The following PRR16 variants were observed in gnomAD, a reference collection of about 807,000 sequenced individuals.
The protein encoded by PRR16 is proline rich 16.
In PRR16, 6 loss-of-function variants were observed where a neutral mutation model predicts 18.2. The ratio of observed to expected loss-of-function variants is 0.33; its 90% CI spans 0.18 to 0.65. PRR16 has a LOEUF of 0.65. Among genes scored for constraint, PRR16 ranks in the 30% least tolerant of loss-of-function variants. The pLI is 0.74. For synonymous variants in PRR16, 151 were observed against 147.8 expected (o/e 1.02, Z -0.16); for missense variants, 412 against 376.6 (o/e 1.09, Z -0.78).
chr5:120,487,084 G>T (rs1465122602), intron 1 of PRR16, among the ~76,000 whole-genome samples: 1 of 152,184 alleles, frequency 6.6e-6, no homozygotes, highest in Non-Finnish European at 1.5e-5. Context: ...GTAGCGTGAT[G>T]CCTCTAGCTT....
intron 1 of PRR16, among the ~76,000 whole-genome samples, chr5:120,619,959 G>A (rs1043797742): frequency 6.6e-6 from 1 of 152,068 alleles, no homozygotes; most frequent in Admixed American, 6.6e-5. Flanking sequence ...TTGGAGGTAG[G>A]TCAGAGAGAA....
At chr5:120,489,760 C>T (rs1423923227) in intron 1 of PRR16, among the ~76,000 whole-genome samples, 2 of 152,158 alleles carry the variant, frequency 1.3e-5, no homozygotes, top group African/African-American at 4.8e-5. Context: ...ATGGTCTTTA[C>T]AATTTGGCAT....
intron 1 of PRR16, among the ~76,000 whole-genome samples, chr5:120,682,105 A>G (rs1756990951): frequency 6.6e-6 from 1 of 152,178 alleles, no homozygotes; most frequent in Non-Finnish European, 1.5e-5. Context: ...CTACCTAACT[A>G]TCCAACCTCA....
At chr5:120,465,027 C>G (rs531230404) in intron 1 of PRR16, among the ~76,000 whole-genome samples, 2 of 152,228 alleles carry the variant, frequency 1.3e-5, no homozygotes, top group Non-Finnish European at 2.9e-5. Context: ...TATTGCTTCC[C>G]CAGAGTCCTT....
At chr5:120,574,556 C>G (rs898319586) in intron 1 of PRR16, among the ~76,000 whole-genome samples, 4 of 136,296 alleles carry the variant, frequency 2.9e-5, no homozygotes, top group African/African-American at 1.5e-4. Flanking sequence ...GAATCAAGAT[C>G]ATGCCATTGC....
intron 1 of PRR16, among the ~76,000 whole-genome samples, chr5:120,616,835 A>G (rs981688916): frequency 4.6e-5 from 7 of 152,168 alleles, no homozygotes; most frequent in Admixed American, 3.3e-4. Flanking sequence ...TGAAGACTTG[A>G]TTGATTGACT....
chr5:120,606,021 C>T (rs186242928), intron 1 of PRR16, among the ~76,000 whole-genome samples: 145 of 152,176 alleles, frequency 9.5e-4, no homozygotes, highest in Non-Finnish European at 1.8e-3. Context: ...AGGGGGGATG[C>T]AGGTGAGTGA....
intron 1 of PRR16, among the ~76,000 whole-genome samples, chr5:120,628,695 C>CATCTATCTATCT (rs10590670): frequency 2.1e-4 from 30 of 144,708 alleles, no homozygotes; most frequent in African/African-American, 3.1e-4. Flanking sequence ...ATCATTCTAC[C>CATCTATCTATCT]ATCTATCTAT....
chr5:120,775,040 A>G, the PRR16 span, among the ~76,000 whole-genome samples: 2 of 152,170 alleles, frequency 1.3e-5, no homozygotes, highest in Non-Finnish European at 2.9e-5. Flanking sequence ...AACCTTACTC[A>G]TTAAAGGCAT....
the PRR16 span, among the ~76,000 whole-genome samples, chr5:120,774,159 C>CAAGAGGAAAGCA: frequency 6.6e-6 from 1 of 151,944 alleles, no homozygotes; most frequent in Non-Finnish European, 1.5e-5. Context: ...TTTTTCTAAA[C>CAAGAGGAAAGCA]AAGAGGAAAG....
chr5:120,464,808 T>A (rs1580604056), intron 1 of PRR16, among the ~76,000 whole-genome samples, 163 bp downstream of exon 1: 1 of 150,532 alleles, frequency 6.6e-6, no homozygotes. Flanking sequence ...TGAGAGGAGT[T>A]GTTGTTGCAC....
the PRR16 span, among the ~76,000 whole-genome samples, chr5:120,778,340 C>T: frequency 6.6e-6 from 1 of 152,118 alleles, no homozygotes; most frequent in Non-Finnish European, 1.5e-5. Context: ...CAAGAGCTTT[C>T]AAGAAACACC....
At chr5:120,688,907 A>C (rs890553559), downstream of PRR16, among the ~76,000 whole-genome samples, 8 of 152,182 alleles carry the variant, frequency 5.3e-5, no homozygotes, top group African/African-American at 1.9e-4. Context: ...CAGTGTTCCA[A>C]ATCCGTTTCT....
intron 1 of PRR16, among the ~76,000 whole-genome samples, chr5:120,575,787 A>T (rs1199845691): frequency 6.6e-6 from 1 of 152,218 alleles, no homozygotes; most frequent in Non-Finnish European, 1.5e-5. Flanking sequence ...TAGTACTGGG[A>T]GTTCTAGTCA....
rs755396412 is a variant in PRR16 at position 120,686,078 on chromosome 5, T to C, written c.284T>C (p.Ile95Thr). 5.0e-6 allele frequency: 8 copies of C among 1,613,978 alleles called. No homozygotes were observed. The highest frequency in any genetic ancestry group is 6.8e-6 in the Non-Finnish European group (8 of 1,179,986). Residue 95 changes from isoleucine to threonine, a missense_variant, in exon 2 of 2, where the codon ATC becomes ACC. Ile to Thr is a moderately conservative substitution (Grantham distance 89). Transcript: ENST00000407149. Reference sequence around the variant, plus strand: ...ACAACAGCCTCCAGCCTAGAGAAGATCAAAGTGCAGGCTAATGCACCGCTT... The same window carrying C: ...ACAACAGCCTCCAGCCTAGAGAAGACCAAAGTGCAGGCTAATGCACCGCTT... Reference protein sequence around the residue: ...SGTTASSLEKIKVQANAPLIK... With the variant: ...SGTTASSLEKTKVQANAPLIK...
the PRR16 span, among the ~76,000 whole-genome samples, chr5:120,706,227 T>C: frequency 1.3e-5 from 2 of 152,196 alleles, no homozygotes; most frequent in African/African-American, 4.8e-5. Flanking sequence ...TAAAATGGAC[T>C]TCACGATTTT....
chr5:120,655,388 T>A (rs1449143), intron 1 of PRR16, among the ~76,000 whole-genome samples: 25,232 of 143,444 alleles, frequency 0.18, 2,908 homozygotes, highest in African/African-American at 0.32. Context: ...TTTTTTTTTT[T>A]AAAAAAAAAG....
At chr5:120,512,793 T>C (rs1462325105) in intron 1 of PRR16, among the ~76,000 whole-genome samples, 4 of 152,014 alleles carry the variant, frequency 2.6e-5, no homozygotes, top group Non-Finnish European at 5.9e-5. Flanking sequence ...AGTGAGAGTA[T>C]AGAAGCTTTA....
chr5:120,565,098 C>G (rs1001675538), intron 1 of PRR16, among the ~76,000 whole-genome samples: 95 of 151,746 alleles, frequency 6.3e-4, no homozygotes, highest in African/African-American at 2.2e-3. Flanking sequence ...TGTGTTCTTG[C>G]AGTGCAGACA....
Sources: gnomAD v4.1 joint callset for allele counts (sites outside exome capture counted in the v4.1 genomes callset) on GRCh38, gnomAD v4.1.1 for gene constraint, MANE v1.5 for transcripts, NCBI Gene and HGNC (gene_info 2026-07-23, HGNC 2026-07-21) for gene names.